LETMD1: variants seen among roughly 807,000 people sequenced by gnomAD.
The protein encoded by LETMD1 is LETM1 domain containing 1.
Under a neutral mutation model 43.9 loss-of-function variants are expected in LETMD1, and 30 were observed. The observed-to-expected ratio is 0.68, with a 90% CI of 0.51 to 0.93. The LOEUF (loss-of-function observed/expected upper bound fraction) is 0.93, where lower values mean the gene tolerates loss of function less well. Among genes scored for constraint, LETMD1 ranks in the 40% least tolerant of loss-of-function variants. LETMD1 has a pLI of 0.00. For missense variants in LETMD1, 413 were observed against 447.7 expected, an observed-to-expected ratio of 0.92 and a Z score of 0.70; for synonymous variants, 176 against 163.1, an observed-to-expected ratio of 1.08 and a Z score of -0.60.
In LETMD1 at chr12:51,059,825, G is replaced by T; in HGVS notation, c.*394G>T. The T allele has an allele frequency of 5.8e-6, 1 of 173,668 alleles. No homozygotes were observed. Among genetic ancestry groups the T allele is most frequent in the Non-Finnish European group, 1.2e-5 (1 of 80,968 alleles). 10.8% of individuals were successfully genotyped at this position (173,668 alleles called of 1,614,324 possible). On this transcript the variant is annotated 3_prime_UTR_variant, in exon 9 of 9. Coordinates refer to ENST00000262055, the MANE Select transcript of LETMD1 (RefSeq NM_015416.5). ...CCACTTCCATGTTACTTACATCTGT[G>T]GGTTTTTGTTGTTGCTGTTAGAAAA...
At chr12:51,060,472 A>G (rs1434495640), downstream of LETMD1, 3 of 152,234 alleles carry the variant, frequency 2.0e-5, no homozygotes, top group Non-Finnish European at 4.4e-5. Flanking sequence ...CAAGACTGAC[A>G]TAATCTAACA....
At chr12:51,068,131 T>A in the LETMD1 span, among the ~76,000 whole-genome samples, 3 of 152,224 alleles carry the variant, frequency 2.0e-5, no homozygotes, top group Admixed American at 2.0e-4. Flanking sequence ...TACTGAGCAC[T>A]AGAAATGCAG....
At chr12:51,057,643 T>TTTTA in intron 7 of LETMD1, 2 of 169,548 alleles carry the variant, frequency 1.2e-5, no homozygotes, top group South Asian at 1.2e-4. Flanking sequence ...TTTTTTTTTT[T>TTTTA]GAGACAGAGT....
chr12:51,063,684 GGT>G, downstream of LETMD1: 1 of 1,287,504 alleles, frequency 7.8e-7, no homozygotes, highest in South Asian at 1.8e-5. Flanking sequence ...GTTTTGAAAT[GGT>G]GTTAGATAAA....
At chr12:51,067,272 T>A in the LETMD1 span, among the ~76,000 whole-genome samples, 2 of 152,174 alleles carry the variant, frequency 1.3e-5, no homozygotes, top group Non-Finnish European at 2.9e-5. The surrounding 1 kb of genome is among the most constrained non-coding windows in gnomAD (Gnocchi z 4.1). Context: ...CTGCTTCTTA[T>A]CACCTCTGAG....
chr12:51,066,442 A>C, the LETMD1 span, among the ~76,000 whole-genome samples: 1 of 146,074 alleles, frequency 6.8e-6, no homozygotes, highest in Non-Finnish European at 1.5e-5. Flanking sequence ...CAACAGAGCA[A>C]GACTCCGTCT....
intron 8 of LETMD1, 30 bp downstream of exon 8, chr12:51,058,158 A>C (rs754226834): frequency 7.4e-6 from 10 of 1,358,612 alleles, no homozygotes; most frequent in Non-Finnish European, 9.5e-6. Context: ...TTATACCACT[A>C]AAATCCAAGT....
chr12:51,055,357 T>G (rs993614035), intron 4 of LETMD1, among the ~76,000 whole-genome samples: 1 of 152,012 alleles, frequency 6.6e-6, no homozygotes, highest in African/African-American at 2.4e-5. Context: ...TTATAAACTT[T>G]GGTCTGAGAG....
the LETMD1 span, among the ~76,000 whole-genome samples, chr12:51,067,346 T>C: frequency 1.3e-5 from 2 of 152,106 alleles, no homozygotes; most frequent in African/African-American, 4.8e-5. The surrounding 1 kb of genome is among the most constrained non-coding windows in gnomAD (Gnocchi z 4.1). Flanking sequence ...TTGTTTTCTT[T>C]GCAAAAATTT....
rs372800250 is a variant in LETMD1, at chr12:51,056,016, A to G, written c.655A>G (p.Thr219Ala). 17 of 1,613,528 alleles carry G rather than the reference A, an allele frequency of 1.1e-5. No homozygotes were observed. The African/African-American group carries it at 2.1e-4, about 20-fold the overall frequency. ...CCGGTGGCGTCTGACAGATCTGTGC[A>G]CCAAGGTATTCCTGCAGTTAACCCT... ...GLRWRLTDLC[T>A]KIQRGTHPAI... Residue 219 changes from threonine to alanine, a missense_variant, in exon 5 of 9, where the codon ACC becomes GCC. Coordinates refer to ENST00000262055, the MANE Select transcript of LETMD1 (RefSeq NM_015416.5).
the LETMD1 span, among the ~76,000 whole-genome samples, chr12:51,066,207 C>A: frequency 6.6e-6 from 1 of 152,172 alleles, no homozygotes; most frequent in African/African-American, 2.4e-5. Flanking sequence ...GTAATCCCAG[C>A]ACTTTGGGAG....
chr12:51,067,624 C>T, the LETMD1 span: 2 of 1,567,614 alleles, frequency 1.3e-6, no homozygotes, highest in Non-Finnish European at 1.7e-6. This position sits in a 1 kb window ranked among gnomAD's most constrained non-coding sequence, Gnocchi z 4.1. Flanking sequence ...CACACCTCAC[C>T]CCGCTGACCC....
chr12:51,061,806 G>C (rs1468423170), downstream of LETMD1: 1 of 152,174 alleles, frequency 6.6e-6, no homozygotes, highest in African/African-American at 2.4e-5. Flanking sequence ...TGCAGAGACA[G>C]TGGGCAAACC....
chr12:51,065,498 AT>A, the LETMD1 span, among the ~76,000 whole-genome samples: 1 of 151,144 alleles, frequency 6.6e-6, no homozygotes, highest in Non-Finnish European at 1.5e-5. Flanking sequence ...CAGTTATACC[AT>A]TTTTTTTTCC....
chr12:51,058,387 T>A, intron 8 of LETMD1: 1 of 486,426 alleles, frequency 2.1e-6, no homozygotes, highest in Non-Finnish European at 3.7e-6. Flanking sequence ...GGCACTTCCT[T>A]ATGGGGGGAA....
At chr12:51,049,268 G>T in intron 2 of LETMD1, 83 bp downstream of exon 2, 1 of 1,249,114 alleles carries the variant, frequency 8.0e-7, no homozygotes, top group South Asian at 1.5e-5. Context: ...TCATTTGCAG[G>T]TTCTGCTATG....
downstream of LETMD1, chr12:51,063,944 T>A: frequency 6.2e-7 from 1 of 1,613,040 alleles, no homozygotes; most frequent in Non-Finnish European, 8.5e-7. Flanking sequence ...CTAGGGTGGG[T>A]GTTTTCCCCA....
chr12:51,057,818 T>G (rs970970085), intron 7 of LETMD1: 12 of 551,818 alleles, frequency 2.2e-5, no homozygotes, highest in South Asian at 3.8e-5. Flanking sequence ...GTAGAGATGG[T>G]GTTTCACCAT....
chr12:51,064,275 G>A (rs772943332), downstream of LETMD1: 9 of 1,612,786 alleles, frequency 5.6e-6, no homozygotes, highest in South Asian at 6.6e-5. Context: ...CAGCTCTTCG[G>A]GGACAGCCAG....
Sources: allele counts gnomAD v4.1 joint callset (sites outside exome capture counted in the v4.1 genomes callset), GRCh38; gene constraint gnomAD v4.1.1; non-coding constraint Gnocchi (gnomAD v3.1); transcripts MANE v1.5; gene names NCBI Gene and HGNC (gene_info 2026-07-23, HGNC 2026-07-21).